Variants in ATXN1 observed in about 807,000 individuals in gnomAD.
The protein encoded by ATXN1 is ataxin 1.
In ATXN1, 8 loss-of-function variants were observed where a neutral mutation model predicts 56.4. The observed-to-expected ratio is 0.14, with a 90% CI of 0.08 to 0.26. ATXN1 has a LOEUF of 0.26. ATXN1 is among the 10% of genes least tolerant of loss of function. ATXN1 has a pLI of 1.00. For synonymous variants in ATXN1, 514 were observed against 494.6 expected (o/e 1.04, Z -0.52); for missense variants, 987 against 1,106.5 (o/e 0.89, Z 1.53).
chr6:16,402,665 G>A (rs975804875), intron 6 of ATXN1, among the ~76,000 whole-genome samples: 47 of 152,208 alleles, frequency 3.1e-4, no homozygotes, highest in African/African-American at 9.4e-4. Flanking sequence ...ATTTACATGG[G>A]CCCAGACCAC....
chr6:16,682,008 A>C (rs1256711748), intron 2 of ATXN1, among the ~76,000 whole-genome samples: 1 of 152,138 alleles, frequency 6.6e-6, no homozygotes, highest in Non-Finnish European at 1.5e-5. Context: ...TCTTGAACTC[A>C]GTCTCAGTTA....
intron 2 of ATXN1, among the ~76,000 whole-genome samples, chr6:16,709,066 G>A (rs2113451511): frequency 6.6e-6 from 1 of 151,376 alleles, no homozygotes; most frequent in East Asian, 1.9e-4. Context: ...AGAAAGGAAG[G>A]AGGAAGGAAA....
chr6:16,750,497 G>C (rs374218063), intron 2 of ATXN1, among the ~76,000 whole-genome samples: 1 of 152,150 alleles, frequency 6.6e-6, no homozygotes, highest in African/African-American at 2.4e-5. Context: ...ACGTTGAGCC[G>C]TCAATCGTGA....
intron 6 of ATXN1, among the ~76,000 whole-genome samples, chr6:16,439,796 A>C (rs1359134431): frequency 6.6e-6 from 1 of 152,216 alleles, no homozygotes; most frequent in Non-Finnish European, 1.5e-5. Context: ...AAGTGGGGCC[A>C]GGCACAGTGG....
intron 2 of ATXN1, among the ~76,000 whole-genome samples, chr6:16,730,343 G>T (rs536237075): frequency 6.6e-6 from 1 of 151,926 alleles, no homozygotes; most frequent in Non-Finnish European, 1.5e-5. Context: ...TATAAAATTA[G>T]ATGTCTGCAT....
chr6:16,448,758 C>T (rs1053934505), intron 6 of ATXN1, among the ~76,000 whole-genome samples: 15 of 152,204 alleles, frequency 9.9e-5, no homozygotes, highest in African/African-American at 3.4e-4. Context: ...TAGGCTAAGG[C>T]CCAAGAGGAA....
At chr6:16,453,316 C>T (rs572175276) in intron 6 of ATXN1, among the ~76,000 whole-genome samples, 6 of 152,218 alleles carry the variant, frequency 3.9e-5, no homozygotes, top group South Asian at 2.1e-4. Context: ...AAAAAATTAG[C>T]TGGGCGTAGT....
chr6:16,345,815 C>T (rs1761370904), intron 6 of ATXN1, among the ~76,000 whole-genome samples: 1 of 152,176 alleles, frequency 6.6e-6, no homozygotes, highest in Admixed American at 6.5e-5. Context: ...TCTCCTGGGG[C>T]TCACATGCGG....
intron 2 of ATXN1, among the ~76,000 whole-genome samples, chr6:16,683,762 T>C (rs1010266090): frequency 6.6e-6 from 1 of 152,250 alleles, no homozygotes; most frequent in Non-Finnish European, 1.5e-5. Flanking sequence ...GTTTTCTTCC[T>C]GGCAAATTGC....
intron 6 of ATXN1, among the ~76,000 whole-genome samples, chr6:16,453,089 G>A (rs1279419101): frequency 6.6e-6 from 1 of 152,088 alleles, no homozygotes; most frequent in Non-Finnish European, 1.5e-5. Context: ...AAAAGTTGAC[G>A]TGAGAAAATA....
At chr6:16,447,468 C>A (rs143580235) in intron 6 of ATXN1, among the ~76,000 whole-genome samples, 1 of 152,206 alleles carries the variant, frequency 6.6e-6, no homozygotes, top group Non-Finnish European at 1.5e-5. Context: ...AAGTGATCCA[C>A]CTGCCTCAGC....
intron 2 of ATXN1, among the ~76,000 whole-genome samples, chr6:16,687,707 C>A (rs1299702542): frequency 1.4e-5 from 2 of 146,290 alleles, no homozygotes; most frequent in African/African-American, 5.1e-5. Flanking sequence ...GAGGATACAG[C>A]ACCGTGAAGA....
rs200830796 is a variant in ATXN1 at position 16,429,018 on chromosome 6, T to C, written c.-161+56954A>G. Among the ~76,000 whole-genome samples, 27 of 150,404 alleles carry C rather than the reference T, an allele frequency of 1.8e-4. No individual in the cohort carries two copies. The East Asian group carries it at 5.3e-3, about 30-fold the overall frequency. On this transcript the variant is annotated intron_variant, in intron 6 of 7. Coordinates refer to ENST00000436367, the MANE Select transcript of ATXN1 (RefSeq NM_001128164.2). The stretch of plus-strand genomic sequence containing the variant: ...TGTGAAGTAAGGTTTGGTTGGGACA[T>C]AGGCTGCCAGTGGAGCAGTGGGGGC...
chr6:16,719,701 G>A (rs141334254), intron 2 of ATXN1, among the ~76,000 whole-genome samples: 14 of 152,168 alleles, frequency 9.2e-5, no homozygotes, highest in Admixed American at 1.3e-4. Context: ...TGGATTTCCC[G>A]GGTGGGTCCT....
At chr6:16,499,380 G>A (rs142465263) in intron 5 of ATXN1, among the ~76,000 whole-genome samples, 1 of 152,122 alleles carries the variant, frequency 6.6e-6, no homozygotes, top group Non-Finnish European at 1.5e-5. Context: ...CACTATGACT[G>A]TATTCAGCCA....
chr6:16,393,146 C>A (rs1382521241), intron 6 of ATXN1, among the ~76,000 whole-genome samples: 1 of 152,212 alleles, frequency 6.6e-6, no homozygotes, highest in African/African-American at 2.4e-5. Flanking sequence ...TTCTCAGACC[C>A]ACTAACAGAT....
chr6:16,471,828 G>A (rs1016156543), intron 6 of ATXN1, among the ~76,000 whole-genome samples: 1 of 152,036 alleles, frequency 6.6e-6, no homozygotes, highest in African/African-American at 2.4e-5. Flanking sequence ...AAGACACTCG[G>A]AATACCTAAC....
chr6:16,412,667 C>T (rs1232408306), intron 6 of ATXN1, among the ~76,000 whole-genome samples: 2 of 152,168 alleles, frequency 1.3e-5, no homozygotes, highest in Admixed American at 1.3e-4. Context: ...CTAGGATGCC[C>T]TCACCCACAC....
At chr6:16,716,386 C>T (rs1759641590) in intron 2 of ATXN1, among the ~76,000 whole-genome samples, 1 of 152,220 alleles carries the variant, frequency 6.6e-6, no homozygotes, top group South Asian at 2.1e-4. Context: ...GGTTAATCAT[C>T]TGTAAACCAG....
Sources: allele counts gnomAD v4.1 joint callset (sites outside exome capture counted in the v4.1 genomes callset), GRCh38; gene constraint gnomAD v4.1.1; transcripts MANE v1.5; gene names NCBI Gene and HGNC (gene_info 2026-07-23, HGNC 2026-07-21).